The following ZNF804B variants were observed in gnomAD, a reference collection of about 807,000 sequenced individuals.
ZNF804B encodes zinc finger 804B.
A neutral mutation model predicts 101.4 loss-of-function variants in ZNF804B; 80 were observed. The observed-to-expected ratio is 0.79, with a 90% confidence interval of 0.66 to 0.95. The LOEUF is 0.95. Among genes scored for constraint, ZNF804B ranks in the 40% least tolerant of loss-of-function variants. The pLI is 0.00. For synonymous variants in ZNF804B, 622 were observed against 558.8 expected, an observed-to-expected ratio of 1.11 and a Z score of -1.59; for missense variants, 1,673 against 1,561.9, an observed-to-expected ratio of 1.07 and a Z score of -1.20.
chr7:89,296,476 A>G (rs974851832), intron 2 of ZNF804B, among the ~76,000 whole-genome samples: 4 of 151,950 alleles, frequency 2.6e-5, no homozygotes, highest in African/African-American at 9.7e-5. Flanking sequence ...AACTCCTTCT[A>G]CTTTTGAGAG....
rs1562866761 is a variant in ZNF804B at position 89,035,907 on chromosome 7, T to TATATATTATATATAATATATTA, written c.109-182236_109-182215dup. On this transcript the variant is annotated intron_variant, in intron 1 of 3. Transcript: ENST00000333190. ...CATATACATTATATTATTATATATT[T>TATATATTATATATAATATATTA]ATATATTATATATAATATATTAATA... 3.2e-4 allele frequency among the ~76,000 whole-genome samples: 47 copies of TATATATTATATATAATATATTA among 145,188 alleles called. 1 individual carries two copies. The South Asian group carries it at 7.4e-3, about 23-fold the overall frequency.
chr7:88,905,460 C>T (rs966345636), intron 1 of ZNF804B, among the ~76,000 whole-genome samples: 1 of 152,044 alleles, frequency 6.6e-6, no homozygotes, highest in Non-Finnish European at 1.5e-5. Context: ...CTGGTTCAGG[C>T]AATTCTCCTG....
intron 2 of ZNF804B, among the ~76,000 whole-genome samples, chr7:89,259,367 T>C (rs533771574): frequency 5.9e-5 from 9 of 152,358 alleles, no homozygotes; most frequent in Middle Eastern, 3.4e-3. Flanking sequence ...TATGATTTCC[T>C]TGATTGGCTC....
At chr7:88,830,633 A>G (rs1312262302) in intron 1 of ZNF804B, among the ~76,000 whole-genome samples, 1 of 151,990 alleles carries the variant, frequency 6.6e-6, no homozygotes, top group African/African-American at 2.4e-5. Flanking sequence ...AACATTTTAC[A>G]TAACCAGAAT....
intron 1 of ZNF804B, among the ~76,000 whole-genome samples, chr7:88,876,654 T>C (rs1791944198): frequency 6.6e-6 from 1 of 152,066 alleles, no homozygotes; most frequent in African/African-American, 2.4e-5. Context: ...TCTTATATTG[T>C]TTGCTGTTAA....
intron 1 of ZNF804B, among the ~76,000 whole-genome samples, chr7:88,849,218 T>G (rs578215116): frequency 1.9e-3 from 292 of 152,268 alleles, no homozygotes; most frequent in Non-Finnish European, 2.7e-3. Context: ...TGCTCTTGCC[T>G]TTGTACTCTC....
intron 2 of ZNF804B, among the ~76,000 whole-genome samples, chr7:89,264,834 A>C (rs1336419080): frequency 1.3e-5 from 2 of 152,204 alleles, no homozygotes; most frequent in African/African-American, 2.4e-5. Context: ...TGTCCCAAGG[A>C]CACTTTAATC....
chr7:89,191,370 T>G (rs573095524), intron 1 of ZNF804B, among the ~76,000 whole-genome samples: 10 of 152,152 alleles, frequency 6.6e-5, no homozygotes, highest in Non-Finnish European at 1.5e-4. Context: ...TCAATATGAT[T>G]GTTGATTAGC....
chr7:88,905,645 A>G (rs1792458863), intron 1 of ZNF804B, among the ~76,000 whole-genome samples: 1 of 152,226 alleles, frequency 6.6e-6, no homozygotes, highest in African/African-American at 2.4e-5. Context: ...GGCAGGAGCC[A>G]CCACACCTGG....
At chr7:89,064,433 A>T (rs1368333143) in intron 1 of ZNF804B, among the ~76,000 whole-genome samples, 3 of 152,186 alleles carry the variant, frequency 2.0e-5, no homozygotes, top group Non-Finnish European at 4.4e-5. Flanking sequence ...TAACCTAAGA[A>T]CAACTCAAAT....
chr7:89,224,710 G>GTA (rs796883947), intron 2 of ZNF804B, among the ~76,000 whole-genome samples: 1 of 67,172 alleles, frequency 1.5e-5, no homozygotes, highest in Non-Finnish European at 3.0e-5. Context: ...TTCTGGCAAA[G>GTA]TATGTGTGTG....
chr7:89,240,722 G>A (rs1789355269), intron 2 of ZNF804B, among the ~76,000 whole-genome samples: 1 of 151,804 alleles, frequency 6.6e-6, no homozygotes, highest in South Asian at 2.1e-4. Flanking sequence ...TCTACACTGA[G>A]TATAAATACT....
chr7:89,030,227 G>C (rs1241542160), intron 1 of ZNF804B, among the ~76,000 whole-genome samples: 4 of 152,114 alleles, frequency 2.6e-5, no homozygotes, highest in Admixed American at 2.6e-4. Context: ...AGGAAGCTCA[G>C]ACAAAATAGT....
At chr7:89,279,406 G>C (rs989464689) in intron 2 of ZNF804B, among the ~76,000 whole-genome samples, 2 of 150,702 alleles carry the variant, frequency 1.3e-5, no homozygotes, top group Admixed American at 6.6e-5. Context: ...GGAGTGGTGA[G>C]AGAGGGCATC....
At chr7:88,887,834 T>A (rs567362373) in intron 1 of ZNF804B, among the ~76,000 whole-genome samples, 19 of 152,196 alleles carry the variant, frequency 1.2e-4, no homozygotes, top group Admixed American at 1.2e-3. Flanking sequence ...CTACCCAGTC[T>A]CCACAAACAC....
intron 1 of ZNF804B, among the ~76,000 whole-genome samples, chr7:88,897,920 C>T (rs765593120): frequency 2.0e-5 from 3 of 151,540 alleles, no homozygotes; most frequent in Non-Finnish European, 4.4e-5. Flanking sequence ...AGTACTTAAC[C>T]TGCATTATTG....
At chr7:88,942,126 A>G (rs972944682) in intron 1 of ZNF804B, among the ~76,000 whole-genome samples, 31 of 151,884 alleles carry the variant, frequency 2.0e-4, no homozygotes, top group Admixed American at 2.0e-3. Context: ...GTATCTACTC[A>G]TAGTTATCTG....
At chr7:89,135,473 A>AT (rs2116385457) in intron 1 of ZNF804B, among the ~76,000 whole-genome samples, 1 of 152,120 alleles carries the variant, frequency 6.6e-6, no homozygotes, top group South Asian at 2.1e-4. Flanking sequence ...GATTTATCAC[A>AT]TTTTTTTACT....
At chr7:89,132,229 G>A (rs1352392958) in intron 1 of ZNF804B, among the ~76,000 whole-genome samples, 4 of 150,728 alleles carry the variant, frequency 2.7e-5, no homozygotes, top group Non-Finnish European at 4.4e-5. Flanking sequence ...GTAATTAAGT[G>A]CTACATTATA....
Sources: gnomAD v4.1 joint callset for allele counts (sites outside exome capture counted in the v4.1 genomes callset) on GRCh38, gnomAD v4.1.1 for gene constraint, MANE v1.5 for transcripts, NCBI Gene and HGNC (gene_info 2026-07-23, HGNC 2026-07-21) for gene names.